Variants in KCNU1 observed in about 807,000 individuals in gnomAD.
The protein encoded by KCNU1 is potassium channel subfamily U member 1.
Under a neutral mutation model 126.8 loss-of-function variants are expected in KCNU1, and 93 were observed. The ratio of observed to expected loss-of-function variants is 0.73; its 90% confidence interval spans 0.62 to 0.87. The LOEUF is 0.87. KCNU1 is among the 40% of genes least tolerant of loss of function. The pLI, the probability that KCNU1 is intolerant of heterozygous loss-of-function variation, is 0.00. For missense variants in KCNU1, 1,330 were observed against 1,367.1 expected, an observed-to-expected ratio of 0.97 and a Z score of 0.43; for synonymous variants, 523 against 494.2, an observed-to-expected ratio of 1.06 and a Z score of -0.77.
At chr8:36,820,730 A>G (rs568504578) in intron 10 of KCNU1, among the ~76,000 whole-genome samples, 6 of 152,294 alleles carry the variant, frequency 3.9e-5, no homozygotes, top group Middle Eastern at 3.4e-3. Context: ...GAGAGAAAAA[A>G]AAAATCAAAT....
intron 2 of KCNU1, among the ~76,000 whole-genome samples, chr8:36,790,782 C>T (rs376999992): frequency 3.3e-5 from 5 of 152,148 alleles, no homozygotes; most frequent in Admixed American, 6.5e-5. Flanking sequence ...ATAGATATCT[C>T]TAATGCTAAT....
intron 18 of KCNU1, among the ~76,000 whole-genome samples, chr8:36,855,489 G>A (rs547373966): frequency 1.3e-5 from 2 of 152,258 alleles, no homozygotes; most frequent in Admixed American, 1.3e-4. Context: ...CTGTATTTCT[G>A]CTGTACTCCC....
chr8:36,919,288 G>A (rs1260138961), intron 23 of KCNU1, among the ~76,000 whole-genome samples: 1 of 152,066 alleles, frequency 6.6e-6, no homozygotes, highest in African/African-American at 2.4e-5. Context: ...ACCAGGGCTG[G>A]GGCCAGGGTA....
intron 26 of KCNU1, among the ~76,000 whole-genome samples, chr8:36,933,485 G>A (rs1585584931): frequency 6.6e-6 from 1 of 152,202 alleles, no homozygotes; most frequent in East Asian, 1.9e-4. Flanking sequence ...GGGGTGATAT[G>A]TTCGGCTTTC....
In KCNU1 at chr8:36,921,833, G is replaced by A. The variant is rs1027929356; in HGVS notation, c.2597-657G>A. Among the ~76,000 whole-genome samples, 6 of 152,094 alleles carry A rather than the reference G, an allele frequency of 3.9e-5. No individual in the cohort carries two copies. In the East Asian group the frequency reaches 1.2e-3, roughly 30 times the overall value. On this transcript the variant is annotated intron_variant, in intron 23 of 26. Coordinates refer to ENST00000399881, the MANE Select transcript of KCNU1 (RefSeq NM_001031836.3). ...GGATAATTTGGCTACTGCTGTACTG[G>A]CCTCAGTTAGGATGATTCCCTAAGC...
chr8:36,930,788 T>C (rs767467838), intron 24 of KCNU1, among the ~76,000 whole-genome samples, 163 bp from the exon 25 acceptor site: 4 of 152,098 alleles, frequency 2.6e-5, no homozygotes, highest in Non-Finnish European at 4.4e-5. Context: ...GTACCCAAAC[T>C]GCCATCCTTC....
intron 10 of KCNU1, among the ~76,000 whole-genome samples, chr8:36,826,551 T>A (rs1804331659): frequency 6.6e-6 from 1 of 152,146 alleles, no homozygotes; most frequent in Non-Finnish European, 1.5e-5. Context: ...AACTTCTCTC[T>A]TCCCTTTTTA....
At chr8:36,902,154 G>A (rs907000329) in intron 19 of KCNU1, among the ~76,000 whole-genome samples, 1 of 152,068 alleles carries the variant, frequency 6.6e-6, no homozygotes, top group African/African-American at 2.4e-5. Context: ...ATGATGAAGT[G>A]GGTTTCCTCC....
In KCNU1 at chr8:36,784,542, C is replaced by T; in HGVS notation, c.132C>T (p.Ile44=). Residue 44 remains isoleucine, a synonymous_variant, in exon 1 of 27, where the codon ATC becomes ATT. Transcript: ENST00000399881. The part of the protein sequence containing the change: ...TFFSGLIILL[I]FRLIWRSVKK... Reference sequence around the variant, plus strand: ...TCAGTGGACTCATCATCCTGTTGATCTTCAGGCTGATCTGGAGATCTGTTA... The same window carrying T: ...TCAGTGGACTCATCATCCTGTTGATTTTCAGGCTGATCTGGAGATCTGTTA... 1 of 1,613,878 alleles carries T rather than the reference C, an allele frequency of 6.2e-7. No homozygotes were observed. The highest frequency in any genetic ancestry group is 1.1e-5 in the South Asian group (1 of 91,080).
chr8:36,892,892 T>C (rs1177718992), intron 19 of KCNU1, among the ~76,000 whole-genome samples: 1 of 152,072 alleles, frequency 6.6e-6, no homozygotes, highest in Non-Finnish European at 1.5e-5. Context: ...ATGCACATGG[T>C]TTTATTTTTA....
At chr8:36,838,468 G>A (rs1374713446) in intron 14 of KCNU1, among the ~76,000 whole-genome samples, 1 of 152,108 alleles carries the variant, frequency 6.6e-6, no homozygotes. Context: ...AGGTTGGTGG[G>A]TCACTCGAGC....
At chr8:36,884,400 A>C (rs1350405061) in intron 19 of KCNU1, among the ~76,000 whole-genome samples, 3 of 152,182 alleles carry the variant, frequency 2.0e-5, no homozygotes, top group African/African-American at 7.2e-5. Context: ...GGGAGTTTTC[A>C]GGTTAAATGC....
In KCNU1 at chr8:36,930,984, C is replaced by T. The variant is rs1362132429; in HGVS notation, c.2770C>T (p.Gln924Ter). 6.2e-7 allele frequency: 1 copy of T among 1,608,040 alleles called. No individual in the cohort carries two copies. Among genetic ancestry groups the T allele is most frequent in the Non-Finnish European group, 8.5e-7 (1 of 1,177,222 alleles). ...FYNYHVLELL[Q>*]MLVTGGVSSQ... Reference sequence around the variant, plus strand: ...CAATTATCATGTCCTGGAATTGCTTCAGATGCTGGTGACAGGAGGAGTAAG... The same window carrying T: ...CAATTATCATGTCCTGGAATTGCTTTAGATGCTGGTGACAGGAGGAGTAAG... Residue 924 changes from glutamine (Q) to a stop codon, truncating the protein, a stop_gained, in exon 25 of 27, where the codon CAG becomes TAG. Transcript: ENST00000399881. LOFTEE classifies it high-confidence loss of function.
chr8:36,849,698 A>G (rs181109285), intron 18 of KCNU1, among the ~76,000 whole-genome samples: 4 of 152,310 alleles, frequency 2.6e-5, no homozygotes, highest in East Asian at 1.9e-4. Flanking sequence ...ATATAGATCT[A>G]TACCTCATTT....
chr8:36,828,547 T>C (rs976182141), intron 10 of KCNU1, among the ~76,000 whole-genome samples: 1 of 152,148 alleles, frequency 6.6e-6, no homozygotes, highest in Non-Finnish European at 1.5e-5. Flanking sequence ...TTATTCAGTT[T>C]ATATTATGTT....
At chr8:36,932,023 G>A (rs963269648) in intron 25 of KCNU1, among the ~76,000 whole-genome samples, 15 of 152,110 alleles carry the variant, frequency 9.9e-5, no homozygotes, top group Non-Finnish European at 1.9e-4. Context: ...GGGGCAGGCT[G>A]TTCCAAGGAA....
intron 18 of KCNU1, among the ~76,000 whole-genome samples, chr8:36,861,579 A>G (rs1805731704): frequency 6.6e-6 from 1 of 152,212 alleles, no homozygotes; most frequent in African/African-American, 2.4e-5. Context: ...TTCGGCTTCT[A>G]AAACTAGTGG....
chr8:36,821,907 G>T (rs541874325), intron 10 of KCNU1, among the ~76,000 whole-genome samples: 4 of 152,184 alleles, frequency 2.6e-5, no homozygotes, highest in African/African-American at 9.6e-5. Context: ...CATCTTTGAG[G>T]TAGGCCAGGC....
rs576211430 is a variant in KCNU1 at position 36,800,216 on chromosome 8, AT to A, written c.316-3810del. On this transcript the variant is annotated intron_variant, in intron 2 of 26. Transcript: ENST00000399881. ...CATAAAACAGGCACTTATCCATGGT[AT>A]GTTAATATGCCCAAGGTTTAGAGTA... Among the ~76,000 whole-genome samples, 39 of 152,220 alleles carry A rather than the reference AT, an allele frequency of 2.6e-4. No homozygotes were observed. In the East Asian group the frequency reaches 7.0e-3, roughly 27 times the overall value.
Sources: allele counts gnomAD v4.1 joint callset (sites outside exome capture counted in the v4.1 genomes callset), GRCh38; gene constraint gnomAD v4.1.1; transcripts MANE v1.5; gene names NCBI Gene and HGNC (gene_info 2026-07-23, HGNC 2026-07-21).